Variants in CAMTA1 observed in about 807,000 individuals in gnomAD.
The protein encoded by CAMTA1 is calmodulin-binding transcription activator 1.
A neutral mutation model predicts 170.9 loss-of-function variants in CAMTA1; 27 were observed. The ratio of observed to expected loss-of-function variants is 0.16; its 90% CI spans 0.12 to 0.22. The LOEUF (loss-of-function observed/expected upper bound fraction) is 0.22, where lower values mean the gene tolerates loss of function less well. CAMTA1 is among the 10% of genes least tolerant of loss of function. The pLI is 1.00. For missense variants in CAMTA1, 1,619 were observed against 2,217.2 expected (o/e 0.73, Z 5.42); for synonymous variants, 833 against 891.5 (o/e 0.93, Z 1.17).
chr1:7,133,317 G>A (rs1381823898), intron 4 of CAMTA1, among the ~76,000 whole-genome samples: 2 of 152,140 alleles, frequency 1.3e-5, no homozygotes, highest in East Asian at 1.9e-4. Flanking sequence ...TTAGTACTTC[G>A]TGTCTTTTAA....
chr1:6,911,891 G>A (rs1208358145), intron 3 of CAMTA1, among the ~76,000 whole-genome samples: 2 of 152,250 alleles, frequency 1.3e-5, no homozygotes, highest in Non-Finnish European at 2.9e-5. Flanking sequence ...GGAGATATTT[G>A]ATGAGCAGCT....
chr1:7,119,426 A>C (rs185695633), intron 4 of CAMTA1, among the ~76,000 whole-genome samples: 1 of 152,160 alleles, frequency 6.6e-6, no homozygotes, highest in Non-Finnish European at 1.5e-5. Flanking sequence ...TGCCGAAACT[A>C]ATATAATCCC....
chr1:6,930,324 G>C (rs909396838), intron 3 of CAMTA1, among the ~76,000 whole-genome samples: 3 of 152,184 alleles, frequency 2.0e-5, no homozygotes, highest in African/African-American at 7.2e-5. Flanking sequence ...ATATGCTGAA[G>C]GATGAAGGAT....
chr1:7,597,807 T>C (rs2095411624), intron 6 of CAMTA1, among the ~76,000 whole-genome samples: 1 of 152,184 alleles, frequency 6.6e-6, no homozygotes, highest in African/African-American at 2.4e-5. Flanking sequence ...AGTCTAGTGA[T>C]TTAAATATAT....
intron 5 of CAMTA1, among the ~76,000 whole-genome samples, chr1:7,303,667 A>G (rs558275578): frequency 7.2e-5 from 11 of 152,346 alleles, no homozygotes; most frequent in Admixed American, 1.3e-4. Flanking sequence ...GTCTAGAGAC[A>G]AGGGATGAGC....
intron 4 of CAMTA1, among the ~76,000 whole-genome samples, chr1:7,199,359 T>C (rs1364988842): frequency 6.6e-6 from 1 of 152,224 alleles, no homozygotes; most frequent in African/African-American, 2.4e-5. Flanking sequence ...TGTTACTCAG[T>C]CCATGCGAGG....
chr1:7,524,238 T>C (rs1057334107), intron 6 of CAMTA1, among the ~76,000 whole-genome samples: 2 of 152,182 alleles, frequency 1.3e-5, no homozygotes, highest in Non-Finnish European at 2.9e-5. Flanking sequence ...TCATTTTCTT[T>C]GGAGCTATTA....
chr1:7,079,109 C>G (rs191610791), intron 3 of CAMTA1, among the ~76,000 whole-genome samples: 2 of 152,232 alleles, frequency 1.3e-5, no homozygotes, highest in Middle Eastern at 3.4e-3. Context: ...CTGACCAGCC[C>G]GACTGGGGAG....
intron 20 of CAMTA1, 50 bp downstream of exon 20, chr1:7,751,442 C>T (rs1014588403): frequency 6.8e-7 from 1 of 1,477,038 alleles, no homozygotes; most frequent in Admixed American, 2.4e-5. Flanking sequence ...GAAGAGAACT[C>T]TGACTTCTTT....
At chr1:7,434,494 C>A (rs987635419) in intron 5 of CAMTA1, among the ~76,000 whole-genome samples, 4 of 152,204 alleles carry the variant, frequency 2.6e-5, no homozygotes, top group South Asian at 4.2e-4. Flanking sequence ...TTCAGCAAAT[C>A]CCCACTGAGT....
chr1:7,666,991 C>T (rs1183480299), intron 9 of CAMTA1, among the ~76,000 whole-genome samples: 1 of 152,136 alleles, frequency 6.6e-6, no homozygotes, highest in Non-Finnish European at 1.5e-5. Flanking sequence ...CAGGTTCAAG[C>T]GATTCTCCTG....
At chr1:6,793,048 A>G (rs1327391612) in intron 1 of CAMTA1, among the ~76,000 whole-genome samples, 2 of 150,882 alleles carry the variant, frequency 1.3e-5, no homozygotes, top group Non-Finnish European at 3.0e-5. Flanking sequence ...CCCCACTCTT[A>G]TATATATATA....
intron 3 of CAMTA1, among the ~76,000 whole-genome samples, chr1:6,859,113 A>G (rs1014942795): frequency 5.3e-5 from 8 of 152,364 alleles, no homozygotes; most frequent in Admixed American, 5.2e-4. Context: ...ATTTTATCCT[A>G]AAATTGTACA....
chr1:6,975,439 G>C (rs552448498), intron 3 of CAMTA1, among the ~76,000 whole-genome samples: 1 of 152,238 alleles, frequency 6.6e-6, no homozygotes, highest in Non-Finnish European at 1.5e-5. Context: ...TCTGTGCGCT[G>C]TTTGCTGTGG....
chr1:7,576,997 G>A (rs2095202723), intron 6 of CAMTA1, among the ~76,000 whole-genome samples: 2 of 152,222 alleles, frequency 1.3e-5, no homozygotes, highest in Admixed American at 1.3e-4. Flanking sequence ...ATAGATGCCA[G>A]CTAATGCCTT....
chr1:6,873,046 C>T (rs1296730308), intron 3 of CAMTA1, among the ~76,000 whole-genome samples: 6 of 152,188 alleles, frequency 3.9e-5, no homozygotes, highest in Non-Finnish European at 8.8e-5. Flanking sequence ...TTTGTTCAGG[C>T]TCACGAGCTT....
At chr1:7,020,417 G>C (rs1032823474) in intron 3 of CAMTA1, among the ~76,000 whole-genome samples, 17 of 152,224 alleles carry the variant, frequency 1.1e-4, no homozygotes, top group African/African-American at 4.1e-4. Flanking sequence ...AGTCTAGCCT[G>C]GGAGGGTAGG....
At chr1:7,614,900 G>A (rs72867154) in intron 6 of CAMTA1, among the ~76,000 whole-genome samples, 1 of 152,128 alleles carries the variant, frequency 6.6e-6, no homozygotes, top group African/African-American at 2.4e-5. Flanking sequence ...AGATACTGCT[G>A]GGGGGAGGGT....
intron 15 of CAMTA1, 31 bp from the exon 16 acceptor site, chr1:7,737,928 T>A: frequency 6.4e-7 from 1 of 1,561,384 alleles, no homozygotes; most frequent in Non-Finnish European, 8.7e-7. Flanking sequence ...GTATCTCCTG[T>A]CCTGACTATC....
Sources: allele counts gnomAD v4.1 joint callset (sites outside exome capture counted in the v4.1 genomes callset), GRCh38; gene constraint gnomAD v4.1.1; transcripts MANE v1.5; gene names NCBI Gene and HGNC (gene_info 2026-07-23, HGNC 2026-07-21).